HTRA4: variants seen among roughly 807,000 people sequenced by gnomAD.
HTRA4 encodes HtrA serine peptidase 4.
In HTRA4, 46 loss-of-function variants were observed where a neutral mutation model predicts 49.1. The observed-to-expected ratio is 0.94, with a 90% CI of 0.74 to 1.20. The LOEUF (loss-of-function observed/expected upper bound fraction) is 1.20, where lower values mean the gene tolerates loss of function less well. HTRA4 is among the 50% of genes most tolerant of loss of function. HTRA4 has a pLI of 0.00. For synonymous variants in HTRA4, 261 were observed against 264.0 expected (o/e 0.99, Z 0.11); for missense variants, 602 against 636.9 (o/e 0.95, Z 0.59).
intron 5 of HTRA4, 93 bp downstream of exon 5, chr8:38,979,340 A>T (rs941979550): frequency 1.7e-6 from 2 of 1,152,684 alleles, no homozygotes; most frequent in African/African-American, 3.0e-5. Flanking sequence ...CATGCCTGTA[A>T]TCCCAGCACA....
In HTRA4 at chr8:38,988,276, AC is replaced by A; in HGVS notation, c.*179del. The A allele has an allele frequency of 1.8e-6, 1 of 555,116 alleles. No homozygotes were observed. The highest frequency in any genetic ancestry group is 2.4e-5 in the South Asian group (1 of 42,270). The allele number at this position is 555,116 out of a possible 1,614,324, so 34.4% of individuals were successfully genotyped here. ...ACAGACTGGATAAAGCAAATGTGGTACATATACACCATGGAATACTATGCAG... is the reference window on the plus strand; with the variant it reads ...ACAGACTGGATAAAGCAAATGTGGTAATATACACCATGGAATACTATGCAG... On this transcript the variant is annotated 3_prime_UTR_variant, in exon 9 of 9. Transcript: ENST00000302495.
chr8:38,974,258 A>G lies in HTRA4; in HGVS notation c.-6A>G. 6.2e-7 allele frequency: 1 copy of G among 1,612,384 alleles called. No individual in the cohort carries two copies. Among genetic ancestry groups the G allele is most frequent in the Non-Finnish European group, 8.5e-7 (1 of 1,179,452 alleles). ...CACTGAAGAGTGGAAGCGAGGAAGG[A>G]ACAGGATGATTAGACCTCAGCTGCG... On this transcript the variant is annotated 5_prime_UTR_variant, in exon 1 of 9. Transcript: ENST00000302495.
At chr8:38,974,949 G>C in intron 1 of HTRA4, 82 bp from the exon 2 acceptor site, 1 of 1,527,214 alleles carries the variant, frequency 6.5e-7, no homozygotes, top group Non-Finnish European at 9.0e-7. Context: ...TTTGAACACT[G>C]TCTTGCCTTT....
Position 38,974,906 on chromosome 8 carries a change from G to T in HTRA4, c.467-125G>T, listed in dbSNP as rs1375285354. ...CCTCCTTAACAGGGGCTCTTTACCGGCTGCTACGTGGTTTCTCCCTCCCCA... is the reference window on the plus strand; with the variant it reads ...CCTCCTTAACAGGGGCTCTTTACCGTCTGCTACGTGGTTTCTCCCTCCCCA... On this transcript the variant is annotated intron_variant, in intron 1 of 8. Coordinates refer to ENST00000302495, the MANE Select transcript of HTRA4 (RefSeq NM_153692.4). 2.4e-6 allele frequency: 3 copies of T among 1,255,848 alleles called. No homozygotes were observed. In the East Asian group the frequency reaches 7.0e-5, roughly 29 times the overall value. 77.8% of individuals were successfully genotyped at this position (1,255,848 alleles called of 1,614,324 possible). A position where few individuals can be genotyped will look rare whatever the true frequency, so the allele number is the denominator to read the frequency against.
Position 38,982,503 on chromosome 8 carries a change from G to C in HTRA4, c.1120G>C (p.Ala374Pro), listed in dbSNP as rs755897562. 64 of 1,613,826 alleles carry C rather than the reference G, an allele frequency of 4.0e-5. No individual in the cohort carries two copies. Among genetic ancestry groups the C allele is most frequent in the Non-Finnish European group, 5.0e-5 (59 of 1,179,838 alleles). ...ATCATAACTTTCCTTTCCAGGAAAG[G>C]CGTTTTCAAATAAGAAATATCTGGG... Reference protein sequence around the residue: ...EYHEHQMKGKAFSNKKYLGLQ... With the variant: ...EYHEHQMKGKPFSNKKYLGLQ... The change falls in exon 7 of 9, where the codon GCG becomes CCG. Residue 374 changes from alanine (A) to proline (P), a missense_variant. Coordinates refer to ENST00000302495, the MANE Select transcript of HTRA4 (RefSeq NM_153692.4).
Position 38,988,208 on chromosome 8 carries a change from A to T in HTRA4, c.*110A>T. The T allele has an allele frequency of 3.0e-6, 3 of 996,170 alleles. No individual in the cohort carries two copies. The highest frequency in any genetic ancestry group is 4.3e-6 in the Non-Finnish European group (3 of 703,302). 61.7% of individuals were successfully genotyped at this position (996,170 alleles called of 1,614,324 possible). A position where few individuals can be genotyped will look rare whatever the true frequency, so the allele number is the denominator to read the frequency against. The stretch of plus-strand genomic sequence containing the variant: ...CAAGAAGTTTTTGGATCTTTTTCTT[A>T]CAAAGAAAAATGGATGGTTATCAAC... On this transcript the variant is annotated 3_prime_UTR_variant, in exon 9 of 9. Coordinates refer to ENST00000302495, the MANE Select transcript of HTRA4 (RefSeq NM_153692.4).
chr8:38,982,398 A>G, intron 6 of HTRA4, 100 bp from the exon 7 acceptor site: 1 of 995,582 alleles, frequency 1.0e-6, no homozygotes, highest in South Asian at 1.4e-5. Flanking sequence ...ACCTGAAAGG[A>G]CAGCTGTGAT....
intron 4 of HTRA4, among the ~76,000 whole-genome samples, chr8:38,978,949 G>C (rs959703541): frequency 6.8e-6 from 1 of 147,994 alleles, no homozygotes; most frequent in African/African-American, 2.5e-5. Context: ...AGTCGAGATT[G>C]CGCCATTGCA....
At chr8:38,987,070 C>T (rs1024531940) in intron 8 of HTRA4, among the ~76,000 whole-genome samples, 3 of 151,198 alleles carry the variant, frequency 2.0e-5, no homozygotes, top group Non-Finnish European at 3.0e-5. Context: ...TATACTTAAG[C>T]GTCTCTTCAT....
rs1835517721 is a variant in HTRA4 at position 38,988,622 on chromosome 8, A to T, written c.*524A>T. 6.6e-6 allele frequency: 1 copy of T among 152,230 alleles called. No homozygotes were observed. Among genetic ancestry groups the T allele is most frequent in the East Asian group, 1.9e-4 (1 of 5,192 alleles). 9.4% of individuals were successfully genotyped at this position (152,230 alleles called of 1,614,324 possible). The stretch of plus-strand genomic sequence containing the variant: ...TGAAACAAACCTGCACATCCTGCAT[A>T]TGTACCTCAGAACTTAAAAATAAAA... On this transcript the variant is annotated 3_prime_UTR_variant, in exon 9 of 9. Coordinates refer to ENST00000302495, the MANE Select transcript of HTRA4 (RefSeq NM_153692.4).
chr8:38,982,120 T>C (rs755597766), intron 6 of HTRA4, among the ~76,000 whole-genome samples: 1 of 152,128 alleles, frequency 6.6e-6, no homozygotes, highest in Non-Finnish European at 1.5e-5. Flanking sequence ...AGTGCTGGGA[T>C]TACAGGCATG....
chr8:38,978,419 C>A lies in HTRA4; in HGVS notation c.966+272C>A, dbSNP rs908214132. Among the ~76,000 whole-genome samples the A allele has an allele frequency of 4.6e-5, 7 of 152,212 alleles. No individual in the cohort carries two copies. The East Asian group carries it at 1.3e-3, about 29-fold the overall frequency. On this transcript the variant is annotated intron_variant, in intron 4 of 8. Transcript: ENST00000302495. ...GATCTGAGGTGGAGCAGTTTCATCC[C>A]AAACCACCCCTCCGTCTGTGGAAAA...
Position 38,981,918 on chromosome 8 carries a change from G to T in HTRA4, c.1114+151G>T. 1.3e-5 allele frequency: 8 copies of T among 621,154 alleles called. No individual in the cohort carries two copies. In the South Asian group the frequency reaches 1.6e-4, roughly 12 times the overall value. The allele number at this position is 621,154 out of a possible 1,614,324, so 38.5% of individuals were successfully genotyped here. A position where few individuals can be genotyped will look rare whatever the true frequency, so the allele number is the denominator to read the frequency against. On this transcript the variant is annotated intron_variant, in intron 6 of 8. Coordinates refer to ENST00000302495, the MANE Select transcript of HTRA4 (RefSeq NM_153692.4). The stretch of plus-strand genomic sequence containing the variant: ...GTTGGAGTGCAGTGGCGTGATCTTG[G>T]TTTACTGCAACCTCTGCCTCCTGGG...
At chr8:38,986,517 C>T (rs754683777) in intron 8 of HTRA4, among the ~76,000 whole-genome samples, 1 of 152,170 alleles carries the variant, frequency 6.6e-6, no homozygotes, top group Non-Finnish European at 1.5e-5. Flanking sequence ...GATCCACACG[C>T]CTGTGGCTCC....
chr8:38,988,223 T>C lies in HTRA4; in HGVS notation c.*125T>C, dbSNP rs1177425781. On this transcript the variant is annotated 3_prime_UTR_variant, in exon 9 of 9. Transcript: ENST00000302495. Reference sequence around the variant, plus strand: ...TCTTTTTCTTACAAAGAAAAATGGATGGTTATCAACCCAAATGCCCATCAA... The same window carrying C: ...TCTTTTTCTTACAAAGAAAAATGGACGGTTATCAACCCAAATGCCCATCAA... 5.9e-6 allele frequency: 5 copies of C among 853,988 alleles called. No homozygotes were observed. The East Asian group carries it at 1.1e-4, about 19-fold the overall frequency. 52.9% of individuals were successfully genotyped at this position (853,988 alleles called of 1,614,324 possible).
In HTRA4 at chr8:38,988,083, T is replaced by A. The variant is rs62504414; in HGVS notation, c.1416T>A (p.Pro472=). 1.3e-6 allele frequency: 2 copies of A among 1,587,444 alleles called. No homozygotes were observed. The highest frequency in any genetic ancestry group is 2.3e-5 in the East Asian group (1 of 44,410). Residue 472 remains proline (P), a synonymous_variant, in exon 9 of 9, where the codon CCT becomes CCA. Transcript: ENST00000302495. ...GKDNLLLTVI[P]ETIN is the part of the protein sequence containing the mutation. ...ATAATTTGCTCCTGACAGTCATACC[T>A]GAAACAATCAATTAAATATCTTGTT... is the stretch of plus-strand genomic sequence containing the variant.
chr8:38,981,607 C>A, intron 5 of HTRA4, 46 bp from the exon 6 acceptor site: 1 of 1,345,326 alleles, frequency 7.4e-7, no homozygotes, highest in Non-Finnish European at 1.1e-6. Flanking sequence ...TTGCACTCAT[C>A]AGTTTGCAAA....
intron 4 of HTRA4, among the ~76,000 whole-genome samples, chr8:38,978,993 C>G (rs1172883110): frequency 8.3e-6 from 1 of 120,288 alleles, no homozygotes; most frequent in Non-Finnish European, 1.7e-5. Flanking sequence ...GACTCCGTCT[C>G]AAAAAAAAAA....
chr8:38,975,079 C>T lies in HTRA4; in HGVS notation c.515C>T (p.Ala172Val). ...PLRRNYNFIAAVVEKVAPSVV... is the reference protein window; with the variant it reads ...PLRRNYNFIAVVVEKVAPSVV... The stretch of plus-strand genomic sequence containing the variant: ...AGGAGGAATTACAACTTCATCGCCG[C>T]GGTGGTGGAGAAGGTGGCGCCATCG... Residue 172 changes from alanine to valine, a missense_variant, in exon 2 of 9, where the codon GCG becomes GTG. Transcript: ENST00000302495. 6.2e-7 allele frequency: 1 copy of T among 1,613,990 alleles called. No homozygotes were observed. The highest frequency in any genetic ancestry group is 1.1e-5 in the South Asian group (1 of 91,082).
Sources: allele counts gnomAD v4.1 joint callset (sites outside exome capture counted in the v4.1 genomes callset), GRCh38; gene constraint gnomAD v4.1.1; transcripts MANE v1.5; gene names NCBI Gene and HGNC (gene_info 2026-07-23, HGNC 2026-07-21).